The following FAM193A variants were observed in gnomAD, a reference collection of about 807,000 sequenced individuals.
The protein encoded by FAM193A is family with sequence similarity 193 member A, also known as protein FAM193A.
Under a neutral mutation model 126.5 loss-of-function variants are expected in FAM193A, and 22 were observed. The observed-to-expected ratio is 0.17, with a 90% CI of 0.12 to 0.25. FAM193A has a LOEUF of 0.25. Ranked by LOEUF, FAM193A falls within the 10% of genes least tolerant of loss-of-function variation. The probability of loss-of-function intolerance (pLI) is 1.00; values close to 1 mark genes in which losing one functional copy is unlikely to be tolerated. For synonymous variants in FAM193A, 761 were observed against 646.8 expected, an observed-to-expected ratio of 1.18 and a Z score of -2.68; for missense variants, 1,675 against 1,672.8, an observed-to-expected ratio of 1.00 and a Z score of -0.02.
In FAM193A at chr4:2,659,896, C is replaced by G; in HGVS notation, c.1587C>G (p.His529Gln). Residue 529 changes from histidine to glutamine, a missense_variant, in exon 10 of 21, where the codon CAC becomes CAG. Physicochemically the swap from His to Gln is conservative, Grantham distance 24 (BLOSUM62 0). Around this residue, in one of 4 missense-constraint regions of FAM193A, gnomAD observed 1,186 missense variants for 1,109.2 expected, o/e 1.07. Coordinates refer to ENST00000637812, the MANE Select transcript of FAM193A (RefSeq NM_001366318.2). The stretch of plus-strand genomic sequence containing the variant: ...CCGTCACTGATGACATCCACATTCA[C>G]CAGCTCCCACTTCAAGTGGATCCTG... Reference protein sequence around the residue: ...DPPVTDDIHIHQLPLQVDPAP... With the variant: ...DPPVTDDIHIQQLPLQVDPAP... 6.2e-7 allele frequency: 1 copy of G among 1,614,146 alleles called. No individual in the cohort carries two copies. Among genetic ancestry groups the G allele is most frequent in the Non-Finnish European group, 8.5e-7 (1 of 1,180,028 alleles).
intron 15 of FAM193A, among the ~76,000 whole-genome samples, chr4:2,693,364 C>T (rs964380660): frequency 6.6e-6 from 1 of 152,162 alleles, no homozygotes; most frequent in African/African-American, 2.4e-5. Context: ...CTGAGGAGTT[C>T]ATACCGAAGT....
intron 10 of FAM193A, among the ~76,000 whole-genome samples, chr4:2,662,455 G>A (rs1157834415): frequency 2.6e-5 from 4 of 152,158 alleles, no homozygotes; most frequent in Admixed American, 6.5e-5. Flanking sequence ...GGTTGCCATC[G>A]GTACCCCTTT....
chr4:2,627,046 T>C (rs1743037293), intron 4 of FAM193A, among the ~76,000 whole-genome samples: 1 of 152,260 alleles, frequency 6.6e-6, no homozygotes, highest in South Asian at 2.1e-4. Context: ...TGCCTGGCCG[T>C]GTGGCTGTTT....
intron 1 of FAM193A, among the ~76,000 whole-genome samples, chr4:2,590,482 A>C (rs111270553): frequency 0.032 from 3,101 of 96,034 alleles, 569 homozygotes; most frequent in African/African-American, 0.18. Context: ...AAAACAAAAA[A>C]AAACAAAAAA....
chr4:2,582,208 C>T (rs553389326), intron 1 of FAM193A, among the ~76,000 whole-genome samples: 1 of 152,196 alleles, frequency 6.6e-6, no homozygotes, highest in Admixed American at 6.5e-5. Flanking sequence ...GGCTGAAGTG[C>T]AGTGACATGA....
rs1466187498 is a variant in FAM193A, at chr4:2,715,504, T to C, written c.4373-519T>C. 13 of 988,218 alleles carry C rather than the reference T, an allele frequency of 1.3e-5. No individual in the cohort carries two copies. The African/African-American group carries it at 1.9e-4, about 15-fold the overall frequency. 61.2% of individuals were successfully genotyped at this position (988,218 alleles called of 1,614,324 possible). On this transcript the variant is annotated intron_variant, in intron 19 of 20. Transcript: ENST00000637812. ...CTGGATGTCATATGGGTGAGATGAA[T>C]GCCTGGGAGAACCACCTTCCTGTAG...
At chr4:2,606,607 G>A (rs926672456) in intron 2 of FAM193A, among the ~76,000 whole-genome samples, 2 of 152,130 alleles carry the variant, frequency 1.3e-5, no homozygotes, top group South Asian at 4.1e-4. Context: ...AAGTCCATTG[G>A]TCTGTCTTGT....
intron 1 of FAM193A, among the ~76,000 whole-genome samples, chr4:2,589,900 G>T (rs1417374594): frequency 6.6e-6 from 1 of 152,142 alleles, no homozygotes; most frequent in African/African-American, 2.4e-5. Context: ...ACTTTGGGAG[G>T]CCGAGGTAGG....
Position 2,552,130 on chromosome 4 carries a change from G to A in FAM193A, c.255+14960G>A, listed in dbSNP as rs371315045. On this transcript the variant is annotated intron_variant, in intron 1 of 20. Transcript: ENST00000637812. Reference sequence around the variant, plus strand: ...GGGTTTACGCCATTCTCCTGCCTCAGCCTCCGGAGTAGCTGGGACTACAGG... The same window carrying A: ...GGGTTTACGCCATTCTCCTGCCTCAACCTCCGGAGTAGCTGGGACTACAGG... Among the ~76,000 whole-genome samples the A allele has an allele frequency of 3.6e-4, 54 of 150,526 alleles. No individual in the cohort carries two copies. The East Asian group carries it at 5.1e-3, about 14-fold the overall frequency.
intron 19 of FAM193A, among the ~76,000 whole-genome samples, chr4:2,712,922 G>A (rs1719137459): frequency 6.6e-6 from 1 of 151,950 alleles, no homozygotes; most frequent in Non-Finnish European, 1.5e-5. Context: ...GGCCAAGATG[G>A]TGAAACCCCA....
chr4:2,659,598 C>G lies in FAM193A; in HGVS notation c.1430C>G (p.Thr477Arg). The G allele has an allele frequency of 1.2e-6, 2 of 1,614,136 alleles. No homozygotes were observed. The highest frequency in any genetic ancestry group is 1.7e-6 in the Non-Finnish European group (2 of 1,179,984). ...GCAGTTACTGGCGAGAACAACTTCA[C>G]AGACACCATGAGGCACATGTTATCG... Reference protein sequence around the residue: ...KKAVTGENNFTDTMRHMLSSR... With the variant: ...KKAVTGENNFRDTMRHMLSSR... The change falls in exon 9 of 21, where the codon ACA becomes AGA. Residue 477 changes from threonine (T) to arginine (R), a missense_variant. By Grantham distance (71) the Thr-to-Arg change is moderately conservative (BLOSUM62 -1). Transcript: ENST00000637812.
intron 19 of FAM193A, among the ~76,000 whole-genome samples, chr4:2,700,924 C>T (rs1018817243): frequency 2.6e-5 from 4 of 152,070 alleles, no homozygotes; most frequent in South Asian, 4.1e-4. Flanking sequence ...AAGATCATGC[C>T]GTTGCACTCC....
intron 20 of FAM193A, among the ~76,000 whole-genome samples, chr4:2,726,961 A>G (rs1409861441): frequency 2.0e-5 from 3 of 149,592 alleles, no homozygotes; most frequent in African/African-American, 7.4e-5. Flanking sequence ...AAAAAAAAAA[A>G]AAAAAAAAAT....
intron 14 of FAM193A, among the ~76,000 whole-genome samples, 180 bp downstream of exon 14, chr4:2,689,884 C>T (rs547714818): frequency 1.6e-4 from 24 of 152,350 alleles, no homozygotes; most frequent in African/African-American, 5.5e-4. Flanking sequence ...GCATCTGCCA[C>T]CAGTCGGTCC....
At chr4:2,648,364 C>G (rs1745348171) in intron 7 of FAM193A, among the ~76,000 whole-genome samples, 2 of 152,194 alleles carry the variant, frequency 1.3e-5, no homozygotes, top group South Asian at 4.1e-4. Context: ...GGAGGGGCCT[C>G]AGAGATCACT....
At chr4:2,592,127 G>C (rs1407829527) in intron 1 of FAM193A, among the ~76,000 whole-genome samples, 2 of 151,794 alleles carry the variant, frequency 1.3e-5, no homozygotes, top group Non-Finnish European at 2.9e-5. Flanking sequence ...GTATTGCTCT[G>C]TTTGCCCAGG....
chr4:2,728,877 AT>A (rs1721050021), intron 20 of FAM193A, among the ~76,000 whole-genome samples: 1 of 147,494 alleles, frequency 6.8e-6, no homozygotes, highest in Non-Finnish European at 1.5e-5. Context: ...TAATAAGCAA[AT>A]ATGTTCCACC....
rs756406445 is a variant in FAM193A at position 2,731,996 on chromosome 4, A to G, written c.*128A>G. The stretch of plus-strand genomic sequence containing the variant: ...GGCTGTGCGGAGCTGGTGCTGCCTG[A>G]AACCCCAGACCGAGAAGTTGATGCT... On this transcript the variant is annotated 3_prime_UTR_variant, in exon 21 of 21. Coordinates refer to ENST00000637812, the MANE Select transcript of FAM193A (RefSeq NM_001366318.2). 2 of 755,128 alleles carry G rather than the reference A, an allele frequency of 2.6e-6. No homozygotes were observed. The highest frequency in any genetic ancestry group is 4.7e-6 in the Non-Finnish European group (2 of 429,284). 46.8% of individuals were successfully genotyped at this position (755,128 alleles called of 1,614,324 possible).
rs576825655 is a variant in FAM193A, at chr4:2,665,902, A to T, written c.2079+2614A>T. On this transcript the variant is annotated intron_variant, in intron 12 of 20. Coordinates refer to ENST00000637812, the MANE Select transcript of FAM193A (RefSeq NM_001366318.2). ...CGCTCTGTTGCCCAGGCTGGTGTGC[A>T]GTGGTGCTATCTCGGCTCACGGCAA... 7.9e-5 allele frequency among the ~76,000 whole-genome samples: 12 copies of T among 152,186 alleles called. No homozygotes were observed. The South Asian group carries it at 1.9e-3, about 24-fold the overall frequency.
Sources: gnomAD v4.1 joint callset for allele counts (sites outside exome capture counted in the v4.1 genomes callset) on GRCh38, gnomAD v4.1.1 for gene constraint, gnomAD v4.1.1 regional missense constraint, MANE v1.5 for transcripts, NCBI Gene and HGNC (gene_info 2026-07-23, HGNC 2026-07-21) for gene names.